Variants in DLGAP2 observed in about 807,000 individuals in gnomAD.
The protein encoded by DLGAP2 is disks large-associated protein 2.
In DLGAP2, 26 loss-of-function variants were observed where a neutral mutation model predicts 100.3. The observed-to-expected ratio is 0.26, with a 90% CI of 0.19 to 0.36. The LOEUF (loss-of-function observed/expected upper bound fraction) is 0.36, where lower values mean the gene tolerates loss of function less well. Among genes scored for constraint, DLGAP2 ranks in the 10% least tolerant of loss-of-function variants. The pLI, the probability that DLGAP2 is intolerant of heterozygous loss-of-function variation, is 1.00. For missense variants in DLGAP2, 1,858 were observed against 1,453.2 expected (o/e 1.28, Z -4.53); for synonymous variants, 886 against 630.1 (o/e 1.41, Z -6.08).
chr8:1,008,758 C>G (rs947151497), intron 2 of DLGAP2, among the ~76,000 whole-genome samples: 1 of 152,194 alleles, frequency 6.6e-6, no homozygotes, highest in African/African-American at 2.4e-5. Context: ...ACTGAGGGTC[C>G]GTCAGGGAGC....
At chr8:957,680 A>G (rs1563113741) in intron 2 of DLGAP2, among the ~76,000 whole-genome samples, 1 of 152,222 alleles carries the variant, frequency 6.6e-6, no homozygotes, top group Non-Finnish European at 1.5e-5. Flanking sequence ...AGTATCTCTA[A>G]TGCCTTACCC....
intron 4 of DLGAP2, among the ~76,000 whole-genome samples, chr8:1,535,399 G>T (rs1801123452): frequency 6.6e-6 from 1 of 152,220 alleles, no homozygotes; most frequent in African/African-American, 2.4e-5. Context: ...AAATGCGCTT[G>T]CCTGGCCTCA....
intron 2 of DLGAP2, among the ~76,000 whole-genome samples, chr8:1,165,532 C>T (rs1796998807): frequency 6.6e-6 from 1 of 152,202 alleles, no homozygotes; most frequent in African/African-American, 2.4e-5. Context: ...ATTTGCATGG[C>T]ATGTGTTGCC....
At chr8:1,323,381 G>C (rs534822453) in intron 3 of DLGAP2, among the ~76,000 whole-genome samples, 1 of 152,232 alleles carries the variant, frequency 6.6e-6, no homozygotes. Context: ...CACATCCTCC[G>C]GGAGGAAAGG....
chr8:1,500,901 A>G (rs777593326), intron 3 of DLGAP2, among the ~76,000 whole-genome samples: 11 of 152,230 alleles, frequency 7.2e-5, no homozygotes, highest in Non-Finnish European at 1.5e-4. Flanking sequence ...GGCTTTGAAC[A>G]TTGCAAAATG....
chr8:954,424 G>A (rs766606544), intron 2 of DLGAP2, among the ~76,000 whole-genome samples: 19 of 152,102 alleles, frequency 1.2e-4, no homozygotes, highest in Non-Finnish European at 2.2e-4. Context: ...AAATGTTCAC[G>A]GACGCAGTAT....
chr8:1,501,650 G>A (rs1235246681), intron 4 of DLGAP2, among the ~76,000 whole-genome samples: 1 of 152,226 alleles, frequency 6.6e-6, no homozygotes, highest in African/African-American at 2.4e-5. Context: ...TGGCCCTCAG[G>A]AACTGAGGCA....
At chr8:923,806 C>G (rs990211453) in intron 2 of DLGAP2, among the ~76,000 whole-genome samples, 4 of 152,134 alleles carry the variant, frequency 2.6e-5, no homozygotes, top group African/African-American at 7.2e-5. Flanking sequence ...CAGACGCTGG[C>G]TTTTAAAATA....
intron 2 of DLGAP2, among the ~76,000 whole-genome samples, chr8:1,224,290 A>G (rs1798372383): frequency 6.6e-6 from 1 of 152,238 alleles, no homozygotes; most frequent in African/African-American, 2.4e-5. Flanking sequence ...TCTCTCATAT[A>G]AGAGACATAA....
chr8:1,696,178 G>A (rs1190849400), intron 13 of DLGAP2, among the ~76,000 whole-genome samples: 1 of 152,168 alleles, frequency 6.6e-6, no homozygotes, highest in Non-Finnish European at 1.5e-5. Context: ...AATCAAGGGA[G>A]CCACACCTGG....
At chr8:1,616,457 G>A (rs533009543) in intron 6 of DLGAP2, among the ~76,000 whole-genome samples, 2 of 152,290 alleles carry the variant, frequency 1.3e-5, no homozygotes, top group East Asian at 1.9e-4. Context: ...TAGTTAAACT[G>A]TGGAAAACCA....
intron 12 of DLGAP2, among the ~76,000 whole-genome samples, chr8:1,682,700 C>A (rs912969093): frequency 3.3e-5 from 5 of 151,432 alleles, no homozygotes; most frequent in African/African-American, 1.2e-4. Flanking sequence ...TCGTGAACTC[C>A]TGGCCTCAAG....
At chr8:1,359,648 G>A (rs962108238) in intron 3 of DLGAP2, among the ~76,000 whole-genome samples, 2 of 152,244 alleles carry the variant, frequency 1.3e-5, no homozygotes, top group African/African-American at 2.4e-5. Flanking sequence ...TGGGTGATGC[G>A]GTGGCGCTGG....
intron 1 of DLGAP2, among the ~76,000 whole-genome samples, chr8:761,587 G>C (rs995920845): frequency 5.9e-5 from 9 of 152,352 alleles, no homozygotes; most frequent in African/African-American, 2.2e-4. Flanking sequence ...TGGCCGGGAT[G>C]GGCACTGGGT....
At chr8:864,299 C>T (rs1484388032) in intron 1 of DLGAP2, among the ~76,000 whole-genome samples, 4 of 151,986 alleles carry the variant, frequency 2.6e-5, no homozygotes, top group Non-Finnish European at 5.9e-5. Flanking sequence ...GTGAGAATAT[C>T]GTACGGTATG....
intron 3 of DLGAP2, among the ~76,000 whole-genome samples, chr8:1,339,189 A>AC (rs1801362530): frequency 1.3e-5 from 2 of 149,712 alleles, no homozygotes; most frequent in South Asian, 2.1e-4. Flanking sequence ...AGGCGTCAGG[A>AC]CGTGTGAGGG....
chr8:1,460,151 A>G (rs1348624489), intron 3 of DLGAP2, among the ~76,000 whole-genome samples: 1 of 152,142 alleles, frequency 6.6e-6, no homozygotes, highest in Non-Finnish European at 1.5e-5. Flanking sequence ...TGTCCACACC[A>G]TGCTTCCTTT....
At chr8:1,626,606 G>A in intron 6 of DLGAP2, 134 bp from the exon 7 acceptor site, 4 of 1,126,458 alleles carry the variant, frequency 3.6e-6, no homozygotes, top group Non-Finnish European at 5.1e-6. Flanking sequence ...CTCTGGGTGT[G>A]GGTTGGACGG....
intron 3 of DLGAP2, among the ~76,000 whole-genome samples, chr8:1,315,461 C>G (rs1197312394): frequency 1.8e-3 from 264 of 143,972 alleles, no homozygotes; most frequent in African/African-American, 6.9e-3. Context: ...CAACAGTGGT[C>G]TACACTCGAG....
Sources: gnomAD v4.1 joint callset for allele counts (sites outside exome capture counted in the v4.1 genomes callset) on GRCh38, gnomAD v4.1.1 for gene constraint, MANE v1.5 for transcripts, NCBI Gene and HGNC (gene_info 2026-07-23, HGNC 2026-07-21) for gene names.